Variants in AOPEP observed in about 807,000 individuals in gnomAD.
The protein encoded by AOPEP is aminopeptidase O.
AOPEP carries 77 observed loss-of-function variants against 98.1 expected under a neutral mutation model. That is an observed-to-expected ratio of 0.78 (90% CI 0.65 to 0.95). The LOEUF (loss-of-function observed/expected upper bound fraction) is 0.95, where lower values mean the gene tolerates loss of function less well. Among genes scored for constraint, AOPEP ranks in the 40% least tolerant of loss-of-function variants. The pLI is 0.00. For synonymous variants in AOPEP, 346 were observed against 365.3 expected (o/e 0.95, Z 0.60); for missense variants, 1,024 against 1,024.7 (o/e 1.00, Z 0.01).
intron 5 of AOPEP, among the ~76,000 whole-genome samples, chr9:94,886,444 TGAA>T (rs375231682): frequency 5.9e-5 from 9 of 152,332 alleles, no homozygotes; most frequent in Middle Eastern, 3.4e-3. Flanking sequence ...CCAATGTTCT[TGAA>T]GAAGATTGTC....
At chr9:95,053,217 T>A (rs1351558682) in intron 13 of AOPEP, among the ~76,000 whole-genome samples, 1 of 152,238 alleles carries the variant, frequency 6.6e-6, no homozygotes, top group East Asian at 1.9e-4. Flanking sequence ...CAGCTTCAGC[T>A]GGAAGCAGAA....
In AOPEP at chr9:94,926,813, C is replaced by T. The variant is rs778171676; in HGVS notation, c.1555-1612C>T. Among the ~76,000 whole-genome samples, 160 of 151,612 alleles carry T rather than the reference C, an allele frequency of 1.1e-3. 2 individuals carry two copies. The highest frequency in any genetic ancestry group is 2.3e-3 in the Admixed American group (35 of 15,244). ...GCATGGTGGGGCCGGGGGTGGGTTG[C>T]GGGGGACATGTGAAATCTCAACAAG... On this transcript the variant is annotated intron_variant, in intron 6 of 16. Coordinates refer to ENST00000375315, the MANE Select transcript of AOPEP (RefSeq NM_001193329.3).
intron 11 of AOPEP, among the ~76,000 whole-genome samples, chr9:94,994,965 A>G (rs2061130275): frequency 6.6e-6 from 1 of 152,218 alleles, no homozygotes; most frequent in Admixed American, 6.5e-5. Context: ...ACAGAAAAAA[A>G]GAAGTATCAA....
chr9:94,840,579 A>G (rs2042155777), intron 5 of AOPEP, among the ~76,000 whole-genome samples: 1 of 152,050 alleles, frequency 6.6e-6, no homozygotes, highest in South Asian at 2.1e-4. Context: ...AATTGGTATT[A>G]TTTCTTCTTT....
At chr9:95,128,963 G>A in the AOPEP span, among the ~76,000 whole-genome samples, 1 of 151,084 alleles carries the variant, frequency 6.6e-6, no homozygotes, top group Non-Finnish European at 1.5e-5. Context: ...GGAGTGCAGT[G>A]GTGATCTTGG....
intron 1 of AOPEP, among the ~76,000 whole-genome samples, chr9:94,739,431 T>A (rs1832556445): frequency 6.6e-6 from 1 of 151,938 alleles, no homozygotes; most frequent in Non-Finnish European, 1.5e-5. Flanking sequence ...GATCACCTGA[T>A]ATCAGGAGTT....
At chr9:94,867,059 A>G (rs925540303) in intron 5 of AOPEP, among the ~76,000 whole-genome samples, 10 of 152,214 alleles carry the variant, frequency 6.6e-5, no homozygotes. Flanking sequence ...AGCTAATGAC[A>G]CATTAGTCCA....
chr9:94,729,452 C>T (rs1436083390), intron 1 of AOPEP, among the ~76,000 whole-genome samples: 1 of 151,884 alleles, frequency 6.6e-6, no homozygotes. Flanking sequence ...TGCCTGTAGT[C>T]TCAGGTACTT....
chr9:95,024,939 C>G (rs1015810211), intron 13 of AOPEP, among the ~76,000 whole-genome samples: 1 of 151,718 alleles, frequency 6.6e-6, no homozygotes, highest in African/African-American at 2.4e-5. Flanking sequence ...GGCCAATGAA[C>G]TGTTTTACTT....
intron 5 of AOPEP, among the ~76,000 whole-genome samples, chr9:94,914,394 T>C (rs1031977247): frequency 6.6e-6 from 1 of 152,324 alleles, no homozygotes; most frequent in South Asian, 2.1e-4. Flanking sequence ...CAAAGCAGGT[T>C]TTGCCTGCTT....
the AOPEP span, chr9:95,111,232 A>G: frequency 2.0e-6 from 3 of 1,537,382 alleles, no homozygotes; most frequent in Non-Finnish European, 2.6e-6. Context: ...TTCGTTTTGC[A>G]GGAGAATGGG....
the AOPEP span, among the ~76,000 whole-genome samples, chr9:95,129,123 G>A: frequency 2.6e-5 from 4 of 151,782 alleles, no homozygotes; most frequent in African/African-American, 9.7e-5. Context: ...GGATGGTCTC[G>A]ATCTCCTGAC....
chr9:95,084,959 C>T (rs1275709647), intron 16 of AOPEP, among the ~76,000 whole-genome samples: 3 of 152,248 alleles, frequency 2.0e-5, no homozygotes, highest in Admixed American at 6.5e-5. Flanking sequence ...GGACAGCTGC[C>T]TTTAGCAATT....
chr9:94,850,620 T>C (rs1200410514), intron 5 of AOPEP, among the ~76,000 whole-genome samples: 1 of 152,216 alleles, frequency 6.6e-6, no homozygotes, highest in Non-Finnish European at 1.5e-5. Context: ...AGTGGTGCCC[T>C]TAATTACGAT....
At chr9:95,067,557 T>C (rs1587886693) in intron 14 of AOPEP, among the ~76,000 whole-genome samples, 1 of 152,184 alleles carries the variant, frequency 6.6e-6, no homozygotes, top group South Asian at 2.1e-4. Context: ...AAAGCTGACT[T>C]CATGGCCTCG....
At chr9:94,899,666 C>T (rs1006783623) in intron 5 of AOPEP, among the ~76,000 whole-genome samples, 5 of 151,788 alleles carry the variant, frequency 3.3e-5, no homozygotes, top group South Asian at 4.2e-4. Context: ...GGGAGGATTG[C>T]GTGAACCCAG....
At chr9:95,050,993 G>GGT (rs1225983420) in intron 13 of AOPEP, among the ~76,000 whole-genome samples, 1 of 152,096 alleles carries the variant, frequency 6.6e-6, no homozygotes, top group Non-Finnish European at 1.5e-5. Context: ...CCTGAGGATC[G>GGT]GAGTGGTTGA....
intron 14 of AOPEP, among the ~76,000 whole-genome samples, chr9:95,078,001 C>A (rs143663935): frequency 7.9e-5 from 12 of 152,192 alleles, no homozygotes; most frequent in African/African-American, 2.9e-4. Context: ...ATACACTTAG[C>A]TCTTTATAAT....
chr9:94,837,538 G>T (rs529660103), intron 5 of AOPEP, among the ~76,000 whole-genome samples: 160 of 152,142 alleles, frequency 1.1e-3, no homozygotes, highest in Non-Finnish European at 2.0e-3. Context: ...GAATCCAATG[G>T]CATATCAGAA....
Sources: gnomAD v4.1 joint callset for allele counts (sites outside exome capture counted in the v4.1 genomes callset) on GRCh38, gnomAD v4.1.1 for gene constraint, MANE v1.5 for transcripts, NCBI Gene and HGNC (gene_info 2026-07-23, HGNC 2026-07-21) for gene names.